ATP10B: variants seen among roughly 807,000 people sequenced by gnomAD.
ATP10B encodes phospholipid-transporting ATPase VB.
In ATP10B, 122 loss-of-function variants were observed where a neutral mutation model predicts 141.2. The observed-to-expected ratio is 0.86, with a 90% CI of 0.75 to 1.00. ATP10B has a LOEUF of 1.00. Ranked by LOEUF, ATP10B falls within the 50% of genes least tolerant of loss-of-function variation. The pLI is 0.00. For missense variants in ATP10B, 1,876 were observed against 1,825.3 expected, an observed-to-expected ratio of 1.03 and a Z score of -0.51; for synonymous variants, 685 against 692.0, an observed-to-expected ratio of 0.99 and a Z score of 0.16.
At chr5:160,618,026 C>T (rs1188076190) in intron 15 of ATP10B, 53 bp from the exon 16 acceptor site, 13 of 1,383,184 alleles carry the variant, frequency 9.4e-6, no homozygotes, top group Non-Finnish European at 1.2e-5. Flanking sequence ...CTCAGGGATC[C>T]CCATCCCCAA....
chr5:160,919,489 C>A, the ATP10B span, among the ~76,000 whole-genome samples: 1 of 152,116 alleles, frequency 6.6e-6, no homozygotes, highest in African/African-American at 2.4e-5. Context: ...GGAGGAGTCG[C>A]TAGCAGCCAA....
intron 2 of ATP10B, among the ~76,000 whole-genome samples, chr5:160,752,221 C>A (rs941282709): frequency 4.8e-5 from 5 of 103,308 alleles, no homozygotes; most frequent in Non-Finnish European, 1.0e-4. Flanking sequence ...TATATGATTT[C>A]TTCCATTTGT....
intron 10 of ATP10B, 124 bp downstream of exon 10, chr5:160,640,337 C>T (rs893907208): frequency 2.0e-5 from 21 of 1,028,242 alleles, no homozygotes; most frequent in Non-Finnish European, 2.8e-5. Context: ...TCATTGGCAT[C>T]CCGTTAAAGT....
chr5:160,671,873 A>C (rs1762728061), intron 6 of ATP10B, among the ~76,000 whole-genome samples: 1 of 147,298 alleles, frequency 6.8e-6, no homozygotes, highest in African/African-American at 2.5e-5. Flanking sequence ...CGACACCAAA[A>C]CCCACAGTTT....
chr5:160,628,521 A>G (rs1333843799), intron 13 of ATP10B, among the ~76,000 whole-genome samples: 3 of 152,114 alleles, frequency 2.0e-5, no homozygotes, highest in African/African-American at 2.4e-5. Context: ...AGGCAGACCA[A>G]GATTAGTGAA....
intron 4 of ATP10B, among the ~76,000 whole-genome samples, 184 bp from the exon 5 acceptor site, chr5:160,688,278 G>A (rs1763885089): frequency 6.6e-6 from 1 of 152,170 alleles, no homozygotes; most frequent in African/African-American, 2.4e-5. Context: ...CCTAAAGATA[G>A]GATTTCTGAC....
At chr5:160,822,590 G>A (rs986742234) in intron 1 of ATP10B, among the ~76,000 whole-genome samples, 1 of 152,038 alleles carries the variant, frequency 6.6e-6, no homozygotes, top group African/African-American at 2.4e-5. Context: ...ATTTACAATA[G>A]GTAAGATTGG....
At chr5:160,570,121 C>T (rs1895189) in intron 24 of ATP10B, among the ~76,000 whole-genome samples, 32,505 of 151,548 alleles carry the variant, frequency 0.21, 3,611 homozygotes, top group Admixed American at 0.3. Flanking sequence ...GTTTTTTGAT[C>T]GTATTTTGTC....
At chr5:160,912,648 AAG>A in the ATP10B span, among the ~76,000 whole-genome samples, 3 of 151,822 alleles carry the variant, frequency 2.0e-5, no homozygotes, top group African/African-American at 4.8e-5. Flanking sequence ...GAGTAAAGAG[AAG>A]AGAGAAAAAA....
rs138931473 is a variant in ATP10B, at chr5:160,849,883, T to C, written c.-576+2058A>G. 6.1e-3 allele frequency among the ~76,000 whole-genome samples: 932 copies of C among 152,260 alleles called. 15 individuals are homozygous for C. Among genetic ancestry groups the C allele is most frequent in the African/African-American group, 0.022 (898 of 41,558 alleles). ...TGTAGTTAAAAGAATTGTAAAACAA[T>C]GTCACCAGAAAATGAGAAATCAGTG... is the stretch of plus-strand genomic sequence containing the variant. On this transcript the variant is annotated intron_variant, in intron 1 of 25. Transcript: ENST00000327245.
chr5:160,802,403 T>C (rs1176285917), intron 1 of ATP10B, among the ~76,000 whole-genome samples: 2 of 152,164 alleles, frequency 1.3e-5, no homozygotes, highest in Non-Finnish European at 1.5e-5. Flanking sequence ...CTGGAAGCAA[T>C]TTTGTCCCCC....
intron 13 of ATP10B, among the ~76,000 whole-genome samples, chr5:160,626,465 TA>T (rs1401231985): frequency 6.6e-6 from 1 of 152,216 alleles, no homozygotes; most frequent in East Asian, 1.9e-4. Context: ...CATTCCACTT[TA>T]ATTATGAAAC....
intron 13 of ATP10B, among the ~76,000 whole-genome samples, chr5:160,623,525 AT>A (rs11320828): frequency 0.79 from 118,645 of 149,608 alleles, 46,989 homozygotes; most frequent in Middle Eastern, 0.86. Flanking sequence ...TGCATGACCT[AT>A]TTTTTTTTTT....
At chr5:160,728,256 A>G (rs945227881) in intron 2 of ATP10B, among the ~76,000 whole-genome samples, 8 of 152,122 alleles carry the variant, frequency 5.3e-5, no homozygotes, top group African/African-American at 1.9e-4. Context: ...TGTAAATACT[A>G]AACTGCCTGA....
At chr5:160,921,565 G>T in the ATP10B span, among the ~76,000 whole-genome samples, 1 of 152,172 alleles carries the variant, frequency 6.6e-6, no homozygotes, top group Admixed American at 6.5e-5. Context: ...CGCAATGTCT[G>T]GCTAGAGTTT....
At chr5:160,798,403 T>C (rs1314521086) in intron 1 of ATP10B, among the ~76,000 whole-genome samples, 1 of 152,138 alleles carries the variant, frequency 6.6e-6, no homozygotes, top group Non-Finnish European at 1.5e-5. Flanking sequence ...ACCCAATGAC[T>C]TGTGACCTTT....
intron 2 of ATP10B, among the ~76,000 whole-genome samples, chr5:160,770,599 A>T (rs1455064517): frequency 6.6e-6 from 1 of 152,188 alleles, no homozygotes; most frequent in Non-Finnish European, 1.5e-5. Context: ...GTGGCTTTTC[A>T]CATTTCCCAG....
At chr5:160,735,804 C>A (rs2127800275) in intron 2 of ATP10B, among the ~76,000 whole-genome samples, 1 of 152,080 alleles carries the variant, frequency 6.6e-6, no homozygotes, top group African/African-American at 2.4e-5. Context: ...CTTGTCTGAC[C>A]ACAATGGAAT....
chr5:160,919,274 C>A, the ATP10B span, among the ~76,000 whole-genome samples: 2 of 147,374 alleles, frequency 1.4e-5, no homozygotes, highest in African/African-American at 2.5e-5. Context: ...GGCAGGAAAC[C>A]CTTGCATGGC....
Sources: gnomAD v4.1 joint callset for allele counts (sites outside exome capture counted in the v4.1 genomes callset) on GRCh38, gnomAD v4.1.1 for gene constraint, MANE v1.5 for transcripts, NCBI Gene and HGNC (gene_info 2026-07-23, HGNC 2026-07-21) for gene names.